Variants in TTC6 observed in about 807,000 individuals in gnomAD.
The protein encoded by TTC6 is tetratricopeptide repeat protein 6.
A neutral mutation model predicts 210.4 loss-of-function variants in TTC6; 172 were observed. The ratio of observed to expected loss-of-function variants is 0.82; its 90% CI spans 0.72 to 0.93. TTC6 has a LOEUF of 0.93. Among genes scored for constraint, TTC6 ranks in the 40% least tolerant of loss-of-function variants. The pLI is 0.00. For synonymous variants in TTC6, 804 were observed against 819.6 expected, an observed-to-expected ratio of 0.98 and a Z score of 0.32; for missense variants, 2,414 against 2,318.1, an observed-to-expected ratio of 1.04 and a Z score of -0.85.
chr14:37,764,133 G>T (rs2095992045), intron 14 of TTC6, among the ~76,000 whole-genome samples: 1 of 151,966 alleles, frequency 6.6e-6, no homozygotes, highest in South Asian at 2.1e-4. Flanking sequence ...ATTGTAGTTA[G>T]AAAATATACT....
At chr14:37,687,244 C>T in intron 3 of TTC6, among the ~76,000 whole-genome samples, 1 of 152,090 alleles carries the variant, frequency 6.6e-6, no homozygotes, top group Non-Finnish European at 1.5e-5. Context: ...CAAAACTTAA[C>T]CAAACTCAGC....
chr14:37,766,672 A>G (rs962884093), intron 14 of TTC6, among the ~76,000 whole-genome samples: 1 of 152,184 alleles, frequency 6.6e-6, no homozygotes, highest in Non-Finnish European at 1.5e-5. Flanking sequence ...CAGTGAACAT[A>G]CACATGCATG....
chr14:37,729,392 C>T lies in TTC6; in HGVS notation c.1818+4390C>T, dbSNP rs1258646691. ...ATGCTCACATCTGCTTCAAGAAAAT[C>T]TGCTGAGGGGGCATACTTGACTGGT... On this transcript the variant is annotated intron_variant, in intron 7 of 30. Transcript: ENST00000553443. Among the ~76,000 whole-genome samples the T allele has an allele frequency of 2.6e-5, 4 of 152,278 alleles. No individual in the cohort carries two copies. The East Asian group carries it at 7.7e-4, about 29-fold the overall frequency.
intron 14 of TTC6, among the ~76,000 whole-genome samples, chr14:37,769,390 C>CT (rs1188701285): frequency 6.6e-6 from 1 of 151,740 alleles, no homozygotes; most frequent in African/African-American, 2.4e-5. Context: ...CCAGTTCCTC[C>CT]TTGTACCTCT....
chr14:37,809,948 C>T (rs1438305055), intron 24 of TTC6, among the ~76,000 whole-genome samples: 8 of 152,190 alleles, frequency 5.3e-5, no homozygotes, highest in African/African-American at 1.9e-4. Flanking sequence ...ATGACGCATT[C>T]TTTTAAAAGG....
Position 37,598,076 on chromosome 14 carries a change from A to T in TTC6, c.-235+2068A>T, listed in dbSNP as rs1403347789. 7.2e-5 allele frequency among the ~76,000 whole-genome samples: 11 copies of T among 152,170 alleles called. No individual in the cohort carries two copies. The highest frequency in any genetic ancestry group is 2.7e-4 in the African/African-American group (11 of 41,442). On this transcript the variant is annotated intron_variant, in intron 1 of 2. Coordinates refer to the TTC6 transcript ENST00000556845. This position sits in a 1 kb window ranked among gnomAD's most constrained non-coding sequence, Gnocchi z 4.9. ...ACATAAAGTAATGCTGCTGTCTGGGAGTTGCTGGCCAGTCGGTAGCCAGGT... is the reference window on the plus strand; with the variant it reads ...ACATAAAGTAATGCTGCTGTCTGGGTGTTGCTGGCCAGTCGGTAGCCAGGT...
chr14:37,714,644 T>C lies in TTC6; in HGVS notation c.1572-11T>C, dbSNP rs1300190468. On this transcript the variant is annotated splice_polypyrimidine_tract_variant and intron_variant, in intron 5 of 30. Coordinates refer to ENST00000553443, the Ensembl canonical transcript of TTC6. ...TTAAAAAGCAAACTTATTGTTCTTA[T>C]CACATTGTAGAATATTGTATGGAAT... 2.6e-6 allele frequency: 4 copies of C among 1,532,068 alleles called. No homozygotes were observed. Among genetic ancestry groups the C allele is most frequent in the South Asian group, 1.2e-5 (1 of 83,626 alleles). The allele number at this position is 1,532,068 out of a possible 1,614,324, so 94.9% of individuals were successfully genotyped here.
At chr14:37,709,970 A>G (rs549914196) in intron 5 of TTC6, among the ~76,000 whole-genome samples, 5 of 152,274 alleles carry the variant, frequency 3.3e-5, no homozygotes, top group African/African-American at 1.2e-4. Context: ...GTGGATTGCG[A>G]CCCAGTGAGT....
At chr14:37,827,069 A>G in intron 28 of TTC6, 127 bp from the exon 31 acceptor site, 1 of 664,256 alleles carries the variant, frequency 1.5e-6, no homozygotes, top group Non-Finnish European at 2.3e-6. Flanking sequence ...GTTCTACTGG[A>G]GTTTTACATG....
At chr14:37,674,836 T>C (rs975010683) in intron 1 of TTC6, among the ~76,000 whole-genome samples, 3 of 152,306 alleles carry the variant, frequency 2.0e-5, no homozygotes, top group Non-Finnish European at 4.4e-5. Context: ...AACAAAATTA[T>C]TGTTGTCAGT....
At chr14:37,618,795 G>A (rs1197941614), upstream of TTC6, among the ~76,000 whole-genome samples, 1 of 152,190 alleles carries the variant, frequency 6.6e-6, no homozygotes, top group Non-Finnish European at 1.5e-5. Flanking sequence ...AAGAACTCAT[G>A]GGAATGTACT....
At chr14:37,837,454 C>T (rs778797080) in intron 29 of TTC6, 3 of 453,606 alleles carry the variant, frequency 6.6e-6, no homozygotes, top group South Asian at 1.6e-5. Context: ...CCCCCTCCCC[C>T]CAACCTGTCC....
At chr14:37,606,489 C>T (rs2095625386) in intron 1 of TTC6, among the ~76,000 whole-genome samples, 174 bp from the exon 2 acceptor site, 1 of 152,174 alleles carries the variant, frequency 6.6e-6, no homozygotes, top group African/African-American at 2.4e-5. Flanking sequence ...ACAGTCCCAT[C>T]AGCAGCTCCT....
intron 22 of TTC6, among the ~76,000 whole-genome samples, chr14:37,807,017 T>C (rs1368015944): frequency 6.6e-6 from 1 of 152,118 alleles, no homozygotes; most frequent in Non-Finnish European, 1.5e-5. Context: ...AGGAGATGCA[T>C]ACTGGAGGAC....
chr14:37,809,292 G>T (rs1182359960), intron 24 of TTC6, among the ~76,000 whole-genome samples: 6 of 117,670 alleles, frequency 5.1e-5, no homozygotes, highest in Non-Finnish European at 8.2e-5. Context: ...TCACTCTGTT[G>T]CCCAGGCTGG....
At chr14:37,698,747 C>A (rs2095819397) in intron 4 of TTC6, among the ~76,000 whole-genome samples, 1 of 152,128 alleles carries the variant, frequency 6.6e-6, no homozygotes. Context: ...TGGGGCCTGG[C>A]AATGGGTCAG....
At chr14:37,597,246 A>G (rs1455801050) in intron 1 of TTC6, among the ~76,000 whole-genome samples, 1 of 152,144 alleles carries the variant, frequency 6.6e-6, no homozygotes, top group Non-Finnish European at 1.5e-5. Context: ...TTCCATTTGT[A>G]AAGTATACGG....
exon 11 of TTC6, chr14:37,748,972 G>T (rs1566928687): frequency 6.5e-7 from 1 of 1,526,910 alleles, no homozygotes; most frequent in African/African-American, 1.4e-5. Context: ...CGGGACAGAA[G>T]AAATATTTGT....
downstream of TTC6, chr14:37,842,663 A>C: frequency 7.0e-6 from 1 of 143,516 alleles, no homozygotes; most frequent in Non-Finnish European, 1.5e-5. Flanking sequence ...CTTGCTGACA[A>C]TGTATTAAAC....
Sources: allele counts gnomAD v4.1 joint callset (sites outside exome capture counted in the v4.1 genomes callset), GRCh38; gene constraint gnomAD v4.1.1; non-coding constraint Gnocchi (gnomAD v3.1); transcripts MANE v1.5; gene names NCBI Gene and HGNC (gene_info 2026-07-23, HGNC 2026-07-21).